WWOX: variants seen among roughly 807,000 people sequenced by gnomAD.
The protein encoded by WWOX is WW domain containing oxidoreductase, also known as WW domain-containing oxidoreductase.
Under a neutral mutation model 46.2 loss-of-function variants are expected in WWOX, and 69 were observed. The ratio of observed to expected loss-of-function variants is 1.49; its 90% CI spans 1.23 to 1.82. The LOEUF (loss-of-function observed/expected upper bound fraction) is 1.82. WWOX is among the 40% of genes most tolerant of loss of function. The pLI, the probability that WWOX is intolerant of heterozygous loss-of-function variation, is 0.00. For synonymous variants in WWOX, 359 were observed against 202.6 expected (o/e 1.77, Z -6.56); for missense variants, 919 against 542.6 (o/e 1.69, Z -6.89).
rs563540765 is a variant in WWOX, at chr16:78,447,665, G to C, written c.1056+14913G>C. On this transcript the variant is annotated intron_variant, in intron 8 of 8. Coordinates refer to ENST00000566780, the MANE Select transcript of WWOX (RefSeq NM_016373.4). ...CAAAAGTGGACATTTACTCGAGAAA[G>C]AATAAAGAAACCATGCAGGATTCCA... Among the ~76,000 whole-genome samples, 116 of 152,302 alleles carry C rather than the reference G, an allele frequency of 7.6e-4. 1 individual carries two copies. The highest frequency in any genetic ancestry group is 1.7e-3 in the South Asian group (8 of 4,828).
intron 6 of WWOX, among the ~76,000 whole-genome samples, chr16:78,422,792 CACAT>C (rs1490481303): frequency 3.3e-5 from 4 of 120,666 alleles, no homozygotes; most frequent in Non-Finnish European, 6.2e-5. Context: ...TATACACACA[CACAT>C]ATATATACAC....
chr16:78,688,841 G>C (rs777864482), intron 8 of WWOX, among the ~76,000 whole-genome samples: 9 of 152,190 alleles, frequency 5.9e-5, no homozygotes, highest in African/African-American at 2.2e-4. Flanking sequence ...ATTGAATCAT[G>C]TGTGCAGTTA....
intron 8 of WWOX, among the ~76,000 whole-genome samples, chr16:78,651,628 C>T (rs770653283): frequency 1.3e-5 from 2 of 152,224 alleles, no homozygotes; most frequent in African/African-American, 4.8e-5. Flanking sequence ...ATTGCTCACA[C>T]AGACCCAGCT....
At chr16:78,279,572 T>C (rs2079640045) in intron 5 of WWOX, among the ~76,000 whole-genome samples, 1 of 152,182 alleles carries the variant, frequency 6.6e-6, no homozygotes, top group Non-Finnish European at 1.5e-5. Flanking sequence ...TTAAATGCTA[T>C]ATGGAAGCCT....
intron 5 of WWOX, among the ~76,000 whole-genome samples, chr16:78,380,602 G>A (rs1303295690): frequency 6.6e-6 from 1 of 152,078 alleles, no homozygotes; most frequent in African/African-American, 2.4e-5. Context: ...TATGCATTGT[G>A]ATGATCACGA....
intron 8 of WWOX, chr16:78,825,533 G>C (rs917817157): frequency 1.1e-5 from 6 of 525,250 alleles, no homozygotes; most frequent in Non-Finnish European, 2.3e-5. Context: ...GCATTGTAGA[G>C]CTTTATGCTG....
rs551311971 is a variant in WWOX, at chr16:79,098,990, A to G, written c.1057-112618A>G. Among the ~76,000 whole-genome samples, 16 of 152,328 alleles carry G rather than the reference A, an allele frequency of 1.1e-4. No homozygotes were observed. In the South Asian group the frequency reaches 1.7e-3, roughly 16 times the overall value. On this transcript the variant is annotated intron_variant, in intron 8 of 8. Transcript: ENST00000566780. Reference sequence around the variant, plus strand: ...ACAGTTCTCATGCCTGGAAAGTTCAAGATTAAGCATCTGGGGAGGGCCTCA... The same window carrying G: ...ACAGTTCTCATGCCTGGAAAGTTCAGGATTAAGCATCTGGGGAGGGCCTCA...
chr16:78,783,304 T>G (rs553505328), intron 8 of WWOX, among the ~76,000 whole-genome samples: 3 of 152,314 alleles, frequency 2.0e-5, no homozygotes, highest in African/African-American at 7.2e-5. Context: ...CACTGTGCAG[T>G]TGAATGAAAC....
rs562610629 is a variant in WWOX at position 78,171,808 on chromosome 16, A to G, written c.516+7519A>G. Among the ~76,000 whole-genome samples the G allele has an allele frequency of 2.2e-3, 332 of 152,328 alleles. 1 individual carries two copies. The highest frequency in any genetic ancestry group is 7.7e-3 in the African/African-American group (322 of 41,568). On this transcript the variant is annotated intron_variant, in intron 5 of 8. Transcript: ENST00000566780. ...CAAACCAGCAAGAACTATATAAGCC[A>G]CTTGCTCAAGTCAATAAGCGCATGC... is the stretch of plus-strand genomic sequence containing the variant.
chr16:78,531,627 G>C (rs2043623852), intron 8 of WWOX, among the ~76,000 whole-genome samples: 1 of 152,132 alleles, frequency 6.6e-6, no homozygotes, highest in Admixed American at 6.5e-5. Context: ...TGAATCACTT[G>C]AGGTCAGGAG....
chr16:78,719,165 C>G (rs2048636574), intron 8 of WWOX, among the ~76,000 whole-genome samples: 1 of 152,102 alleles, frequency 6.6e-6, no homozygotes, highest in Non-Finnish European at 1.5e-5. Context: ...CTCTTTCTTC[C>G]CAAAGCCTGT....
intron 5 of WWOX, among the ~76,000 whole-genome samples, chr16:78,292,612 T>C (rs1178044560): frequency 6.6e-6 from 1 of 152,116 alleles, no homozygotes; most frequent in Non-Finnish European, 1.5e-5. Flanking sequence ...GATTATGTTC[T>C]ATATCTTTTT....
chr16:78,195,831 A>G (rs530383013), intron 5 of WWOX, among the ~76,000 whole-genome samples: 2 of 150,656 alleles, frequency 1.3e-5, no homozygotes, highest in South Asian at 4.2e-4. Flanking sequence ...CAAAAAAAAA[A>G]AAAAAAAAAG....
At chr16:78,390,760 A>G (rs1296323959) in intron 6 of WWOX, among the ~76,000 whole-genome samples, 3 of 152,272 alleles carry the variant, frequency 2.0e-5, no homozygotes, top group Middle Eastern at 6.8e-3. Context: ...ATCACCCCCC[A>G]TCTTCAGACA....
chr16:78,365,937 A>G (rs1370570248), intron 5 of WWOX, among the ~76,000 whole-genome samples: 2 of 152,154 alleles, frequency 1.3e-5, no homozygotes, highest in Admixed American at 1.3e-4. Flanking sequence ...ATGCATATGA[A>G]CTGGACAGAA....
chr16:78,561,018 C>T (rs966213607), intron 8 of WWOX, among the ~76,000 whole-genome samples: 8 of 152,120 alleles, frequency 5.3e-5, no homozygotes, highest in South Asian at 2.1e-4. Context: ...TAAAGGTGTC[C>T]GCTGGAGGAA....
At chr16:78,237,013 G>A (rs938288388) in intron 5 of WWOX, among the ~76,000 whole-genome samples, 4 of 147,638 alleles carry the variant, frequency 2.7e-5, no homozygotes, top group Non-Finnish European at 5.9e-5. Context: ...GGCGGAGGTT[G>A]CAGTGAGCCG....
At chr16:78,113,883 A>C (rs1172411148) in intron 3 of WWOX, among the ~76,000 whole-genome samples, 1 of 152,142 alleles carries the variant, frequency 6.6e-6, no homozygotes, top group African/African-American at 2.4e-5. Context: ...ATTACTCTTG[A>C]GTCTTGGTAC....
chr16:79,124,717 T>C (rs2049713715), intron 8 of WWOX, among the ~76,000 whole-genome samples: 1 of 152,184 alleles, frequency 6.6e-6, no homozygotes. Flanking sequence ...GCAAAACAGA[T>C]GTGAAACATT....
Sources: allele counts gnomAD v4.1 joint callset (sites outside exome capture counted in the v4.1 genomes callset), GRCh38; gene constraint gnomAD v4.1.1; transcripts MANE v1.5; gene names NCBI Gene and HGNC (gene_info 2026-07-23, HGNC 2026-07-21).